The following PPM1H variants were observed in gnomAD, a reference collection of about 807,000 sequenced individuals.
PPM1H encodes the protein protein phosphatase 1H.
A neutral mutation model predicts 54.9 loss-of-function variants in PPM1H; 27 were observed. The ratio of observed to expected loss-of-function variants is 0.49; its 90% CI spans 0.36 to 0.68. The LOEUF (loss-of-function observed/expected upper bound fraction) is 0.68, where lower values mean the gene tolerates loss of function less well. Ranked by LOEUF, PPM1H falls within the 30% of genes least tolerant of loss-of-function variation. The pLI, the probability that PPM1H is intolerant of heterozygous loss-of-function variation, is 0.00. For synonymous variants in PPM1H, 305 were observed against 270.8 expected, an observed-to-expected ratio of 1.13 and a Z score of -1.24; for missense variants, 596 against 667.8, an observed-to-expected ratio of 0.89 and a Z score of 1.19.
At chr12:62,843,953 A>G (rs1868855739) in intron 1 of PPM1H, among the ~76,000 whole-genome samples, 1 of 152,192 alleles carries the variant, frequency 6.6e-6, no homozygotes, top group Non-Finnish European at 1.5e-5. Context: ...TCCCTAATTT[A>G]CAAGGGAAAG....
chr12:62,912,374 C>T (rs746113771), intron 1 of PPM1H, among the ~76,000 whole-genome samples: 3 of 152,162 alleles, frequency 2.0e-5, no homozygotes, highest in Non-Finnish European at 4.4e-5. Context: ...ATTCACTCTA[C>T]GCGTCCATTT....
intron 1 of PPM1H, among the ~76,000 whole-genome samples, chr12:62,867,487 A>G: frequency 6.6e-6 from 1 of 151,726 alleles, no homozygotes; most frequent in East Asian, 1.9e-4. Flanking sequence ...GGGAAACAAA[A>G]CACGCTAGGA....
chr12:62,820,516 G>A (rs113240885), intron 2 of PPM1H, among the ~76,000 whole-genome samples: 3 of 152,228 alleles, frequency 2.0e-5, no homozygotes, highest in African/African-American at 7.2e-5. Context: ...CACCTCATAC[G>A]GCTGGGTGCC....
At position 62,675,684 on chromosome 12, in the gene PPM1H, A is replaced by T. The variant is rs149130120; in HGVS notation, c.1246-8355T>A. On this transcript the variant is annotated intron_variant, in intron 8 of 9. Coordinates refer to ENST00000228705, the MANE Select transcript of PPM1H (RefSeq NM_020700.2). Reference sequence around the variant, plus strand: ...AATAGTGTCCCCTTTGATTCTTGAAAATTCCTGGTTGAGGGGTTAAGATGG... The same window carrying T: ...AATAGTGTCCCCTTTGATTCTTGAATATTCCTGGTTGAGGGGTTAAGATGG... Among the ~76,000 whole-genome samples, 913 of 152,270 alleles carry T rather than the reference A, an allele frequency of 6.0e-3. 5 individuals are homozygous for T. Among genetic ancestry groups the T allele is most frequent in the Non-Finnish European group, 0.01 (687 of 68,016 alleles).
chr12:62,788,368 T>C (rs1422690337), intron 3 of PPM1H, 30 bp from the exon 4 acceptor site: 1 of 1,347,854 alleles, frequency 7.4e-7, no homozygotes, highest in Non-Finnish European at 1.0e-6. Flanking sequence ...TAGTGTTGGA[T>C]TGTGCAGGAT....
chr12:62,817,230 A>C (rs900536307), intron 2 of PPM1H, among the ~76,000 whole-genome samples: 3 of 146,780 alleles, frequency 2.0e-5, no homozygotes, highest in African/African-American at 7.5e-5. Context: ...TGGGAGGCTG[A>C]GGCGGGCAGA....
intron 5 of PPM1H, among the ~76,000 whole-genome samples, chr12:62,728,753 C>T (rs948214335): frequency 3.3e-5 from 5 of 152,192 alleles, no homozygotes; most frequent in Admixed American, 1.3e-4. Flanking sequence ...AAAGGGTAGC[C>T]GGAAGCAGGG....
intron 9 of PPM1H, among the ~76,000 whole-genome samples, chr12:62,655,758 C>T (rs557687914): frequency 4.6e-4 from 70 of 152,302 alleles, no homozygotes; most frequent in East Asian, 2.5e-3. Context: ...GCCCTAGTGC[C>T]GTCACTGAAT....
At chr12:62,797,322 C>T (rs568449185) in intron 3 of PPM1H, among the ~76,000 whole-genome samples, 67 of 152,244 alleles carry the variant, frequency 4.4e-4, no homozygotes, top group South Asian at 1.0e-3. Context: ...GGGAACTTTA[C>T]TTTTAGGGAT....
intron 6 of PPM1H, among the ~76,000 whole-genome samples, chr12:62,703,919 G>A (rs901764344): frequency 5.3e-5 from 8 of 151,976 alleles, no homozygotes; most frequent in South Asian, 4.2e-4. Context: ...ACCTTCAAGC[G>A]GCCTTACAGC....
intron 1 of PPM1H, among the ~76,000 whole-genome samples, chr12:62,923,590 C>T (rs796120083): frequency 3.3e-5 from 5 of 152,184 alleles, no homozygotes; most frequent in African/African-American, 9.6e-5. Flanking sequence ...TAAGTAGTGA[C>T]GAGGTTTCAC....
intron 1 of PPM1H, among the ~76,000 whole-genome samples, chr12:62,868,202 A>C (rs1869851990): frequency 1.3e-5 from 2 of 152,240 alleles, no homozygotes; most frequent in South Asian, 4.1e-4. Flanking sequence ...CAGACTTCTT[A>C]GAAGCCAGGT....
chr12:62,921,580 A>C (rs959171338), intron 1 of PPM1H, among the ~76,000 whole-genome samples: 4 of 152,144 alleles, frequency 2.6e-5, no homozygotes, highest in Non-Finnish European at 5.9e-5. Context: ...GAATGCTGTC[A>C]CACTTTTTGG....
chr12:62,684,464 CT>C (rs61615190), intron 8 of PPM1H, among the ~76,000 whole-genome samples: 23,906 of 151,508 alleles, frequency 0.16, 2,139 homozygotes, highest in East Asian at 0.33. Flanking sequence ...CTGTGAGTTT[CT>C]TTTTTTTTAA....
chr12:62,814,708 C>G (rs1293104897), intron 2 of PPM1H, among the ~76,000 whole-genome samples: 1 of 152,118 alleles, frequency 6.6e-6, no homozygotes, highest in African/African-American at 2.4e-5. Flanking sequence ...GCAGGAAAGG[C>G]CTATCACAAA....
chr12:62,673,717 T>TTG, intron 8 of PPM1H, among the ~76,000 whole-genome samples: 1 of 61,182 alleles, frequency 1.6e-5, no homozygotes, highest in Non-Finnish European at 3.0e-5. Context: ...GAGCCACTCT[T>TTG]TTTTTTTTTT....
At chr12:62,726,275 CACTT>C (rs781708814) in intron 5 of PPM1H, among the ~76,000 whole-genome samples, 78 of 152,204 alleles carry the variant, frequency 5.1e-4, no homozygotes, top group Non-Finnish European at 8.5e-4. Flanking sequence ...CAGAGGAAAA[CACTT>C]ACGGTTATTA....
chr12:62,683,405 T>G (rs1342430084), intron 8 of PPM1H, among the ~76,000 whole-genome samples: 1 of 152,176 alleles, frequency 6.6e-6, no homozygotes. Context: ...TTACCCCACC[T>G]TAAGGAAGAG....
At chr12:62,661,510 C>T (rs1053586576) in intron 9 of PPM1H, among the ~76,000 whole-genome samples, 3 of 152,208 alleles carry the variant, frequency 2.0e-5, no homozygotes, top group African/African-American at 4.8e-5. Context: ...AAGAGATTCT[C>T]GTGCCTCAGC....
Sources: allele counts gnomAD v4.1 joint callset (sites outside exome capture counted in the v4.1 genomes callset), GRCh38; gene constraint gnomAD v4.1.1; transcripts MANE v1.5; gene names NCBI Gene and HGNC (gene_info 2026-07-23, HGNC 2026-07-21).